TAFA1: variants seen among roughly 807,000 people sequenced by gnomAD.
The protein encoded by TAFA1 is chemokine-like protein TAFA-1.
In TAFA1, 4 loss-of-function variants were observed where a neutral mutation model predicts 18.5. The observed-to-expected ratio is 0.22, with a 90% CI of 0.11 to 0.49. The LOEUF is 0.49. Among genes scored for constraint, TAFA1 ranks in the 20% least tolerant of loss-of-function variants. The pLI, the probability that TAFA1 is intolerant of heterozygous loss-of-function variation, is 0.98. For missense variants in TAFA1, 147 were observed against 169.0 expected, an observed-to-expected ratio of 0.87 and a Z score of 0.72; for synonymous variants, 56 against 55.2, an observed-to-expected ratio of 1.01 and a Z score of -0.06.
chr3:68,151,832 C>T lies in TAFA1; in HGVS notation c.118+145088C>T, dbSNP rs113589207. Among the ~76,000 whole-genome samples, 1,250 of 152,252 alleles carry T rather than the reference C, an allele frequency of 8.2e-3. 5 individuals carry two copies. Among genetic ancestry groups the T allele is most frequent in the Non-Finnish European group, 0.012 (823 of 68,010 alleles). On this transcript the variant is annotated intron_variant, in intron 2 of 4. Coordinates refer to ENST00000478136, the MANE Select transcript of TAFA1 (RefSeq NM_213609.4). ...GGAACTGAGGAATATAGCCTGCTTC[C>T]CCTGTTCTACACCAAAACTTATACA...
chr3:68,454,551 A>G (rs1575881746), intron 3 of TAFA1, among the ~76,000 whole-genome samples: 1 of 152,298 alleles, frequency 6.6e-6, no homozygotes, highest in African/African-American at 2.4e-5. Flanking sequence ...TGAGCTTCTA[A>G]GAAGGGTTGG....
At position 68,137,982 on chromosome 3, in the gene TAFA1, TAA is replaced by T. The variant is rs71112616; in HGVS notation, c.118+131251_118+131252del. ...CACATGACTAATCTTCGCTACTATT[TAA>T]AAAAAAAAAAAAGTGGATTCAATGA... is the stretch of plus-strand genomic sequence containing the variant. On this transcript the variant is annotated intron_variant, in intron 2 of 4. Coordinates refer to ENST00000478136, the MANE Select transcript of TAFA1 (RefSeq NM_213609.4). Among the ~76,000 whole-genome samples, 923 of 147,800 alleles carry T rather than the reference TAA, an allele frequency of 6.2e-3. 32 individuals are homozygous for T. The East Asian group carries it at 0.1, about 17-fold the overall frequency.
intron 3 of TAFA1, among the ~76,000 whole-genome samples, chr3:68,437,378 G>C (rs1472494448): frequency 6.6e-6 from 1 of 152,090 alleles, no homozygotes; most frequent in Non-Finnish European, 1.5e-5. Flanking sequence ...CTTTCTTATG[G>C]TCCATTCTCT....
chr3:68,018,522 T>C (rs952482895), intron 2 of TAFA1, among the ~76,000 whole-genome samples: 2 of 152,184 alleles, frequency 1.3e-5, no homozygotes, highest in East Asian at 1.9e-4. Context: ...GGCGGAGGAC[T>C]ACAGTTACCC....
At chr3:68,383,346 T>TG (rs1488237150) in intron 2 of TAFA1, among the ~76,000 whole-genome samples, 1 of 152,222 alleles carries the variant, frequency 6.6e-6, no homozygotes, top group Non-Finnish European at 1.5e-5. Flanking sequence ...CTTATTATTT[T>TG]GAGGTATGTT....
intron 2 of TAFA1, among the ~76,000 whole-genome samples, chr3:68,105,220 A>G (rs2065190592): frequency 6.6e-6 from 1 of 152,144 alleles, no homozygotes; most frequent in Admixed American, 6.6e-5. Context: ...CACCTCCAAC[A>G]TTGGGGATCA....
At chr3:68,046,003 G>T (rs535328512) in intron 2 of TAFA1, among the ~76,000 whole-genome samples, 25 of 152,066 alleles carry the variant, frequency 1.6e-4, no homozygotes, top group South Asian at 8.3e-4. Flanking sequence ...TAAATAATTT[G>T]CCCCCCTGGA....
At chr3:68,536,446 GGATGGAGGGGAGTGAGTAAA>G (rs2073279441) in intron 3 of TAFA1, among the ~76,000 whole-genome samples, 1 of 152,274 alleles carries the variant, frequency 6.6e-6, no homozygotes, top group African/African-American at 2.4e-5. Context: ...GGAACATGGG[GGATGGAGGGGAGTGAGTAAA>G]GAACGAGGGT....
intron 2 of TAFA1, among the ~76,000 whole-genome samples, chr3:68,013,681 A>C (rs1229355674): frequency 6.6e-6 from 1 of 152,182 alleles, no homozygotes; most frequent in Non-Finnish European, 1.5e-5. Context: ...TTTCTTTGGG[A>C]ATAAAGAGAA....
In TAFA1 at chr3:68,371,802, A is replaced by G. The variant is rs140034811; in HGVS notation, c.119-45478A>G. 3.3e-3 allele frequency among the ~76,000 whole-genome samples: 495 copies of G among 152,302 alleles called. 4 individuals carry two copies. Among genetic ancestry groups the G allele is most frequent in the African/African-American group, 0.011 (470 of 41,566 alleles). ...AAAGTGGCCAAGTTGGAGACAGAGA[A>G]GAGTGTTAGAGAATGTTGAGAACTG... On this transcript the variant is annotated intron_variant, in intron 2 of 4. Transcript: ENST00000478136.
intron 2 of TAFA1, among the ~76,000 whole-genome samples, chr3:68,105,430 G>T (rs1211832512): frequency 6.6e-6 from 1 of 151,988 alleles, no homozygotes; most frequent in African/African-American, 2.4e-5. Flanking sequence ...TTATTTTATT[G>T]TTACCAGAAT....
chr3:68,384,554 T>C lies in TAFA1; in HGVS notation c.119-32726T>C, dbSNP rs542567595. ...ATTGTTTATTGTGGTTTCAGTTCTT[T>C]TGCATTTGCTGAAAAGTGTTTTACT... On this transcript the variant is annotated intron_variant, in intron 2 of 4. Coordinates refer to ENST00000478136, the MANE Select transcript of TAFA1 (RefSeq NM_213609.4). Among the ~76,000 whole-genome samples, 7 of 152,254 alleles carry C rather than the reference T, an allele frequency of 4.6e-5. No individual in the cohort carries two copies. In the South Asian group the frequency reaches 1.4e-3, roughly 32 times the overall value.
chr3:68,276,158 A>T (rs1184391025), intron 2 of TAFA1, among the ~76,000 whole-genome samples: 2 of 127,612 alleles, frequency 1.6e-5, no homozygotes, highest in Non-Finnish European at 3.6e-5. Context: ...TAACCCAACT[A>T]AAAAAAAAAA....
chr3:68,454,774 T>G (rs998834547), intron 3 of TAFA1, among the ~76,000 whole-genome samples: 1 of 152,230 alleles, frequency 6.6e-6, no homozygotes, highest in East Asian at 1.9e-4. Flanking sequence ...CTTAAAATGC[T>G]ATGTCCCTAA....
At chr3:68,478,236 C>T (rs2072142208) in intron 3 of TAFA1, among the ~76,000 whole-genome samples, 1 of 152,144 alleles carries the variant, frequency 6.6e-6, no homozygotes, top group Admixed American at 6.5e-5. Flanking sequence ...GGCAAGTTGA[C>T]AGAGTTGAGA....
intron 3 of TAFA1, among the ~76,000 whole-genome samples, chr3:68,452,162 G>A (rs193113217): frequency 2.0e-4 from 31 of 152,280 alleles, no homozygotes; most frequent in Middle Eastern, 3.4e-3. Context: ...AAGGACATGC[G>A]GTTGTGGTCT....
intron 3 of TAFA1, among the ~76,000 whole-genome samples, chr3:68,519,497 G>C (rs1350875905): frequency 1.3e-5 from 2 of 152,212 alleles, no homozygotes; most frequent in African/African-American, 4.8e-5. Flanking sequence ...ACTTTGCCTA[G>C]TATGATGCAT....
At chr3:68,540,434 A>T (rs1177023583) in intron 4 of TAFA1, among the ~76,000 whole-genome samples, 2 of 152,204 alleles carry the variant, frequency 1.3e-5, no homozygotes, top group Non-Finnish European at 2.9e-5. Flanking sequence ...TAACTAGTAG[A>T]AGGTGGGAAA....
At chr3:68,370,468 G>GTATA (rs2069674057) in intron 2 of TAFA1, among the ~76,000 whole-genome samples, 1 of 16,616 alleles carries the variant, frequency 6.0e-5, no homozygotes, top group Non-Finnish European at 1.0e-4. Context: ...GTGTGTGTGT[G>GTATA]TGTGTATATA....
Sources: allele counts gnomAD v4.1 joint callset (sites outside exome capture counted in the v4.1 genomes callset), GRCh38; gene constraint gnomAD v4.1.1; transcripts MANE v1.5; gene names NCBI Gene and HGNC (gene_info 2026-07-23, HGNC 2026-07-21).